The following CCDC27 variants were observed in gnomAD, a reference collection of about 807,000 sequenced individuals.
CCDC27 encodes the protein coiled-coil domain-containing protein 27.
Under a neutral mutation model 80.3 loss-of-function variants are expected in CCDC27, and 80 were observed. The observed-to-expected ratio is 1.00, with a 90% CI of 0.83 to 1.20. The LOEUF (loss-of-function observed/expected upper bound fraction) is 1.20, where lower values mean the gene tolerates loss of function less well. Among genes scored for constraint, CCDC27 ranks in the 50% most tolerant of loss-of-function variants. The pLI is 0.00. For missense variants in CCDC27, 815 were observed against 809.4 expected (o/e 1.01, Z -0.08); for synonymous variants, 342 against 334.3 (o/e 1.02, Z -0.25).
chr1:3,756,451 C>A (rs112661160), intron 3 of CCDC27: 9 of 301,622 alleles, frequency 3.0e-5, no homozygotes, highest in African/African-American at 1.3e-4. Context: ...ACTCCCAGCT[C>A]CGGCTCGTTT....
Position 3,754,098 on chromosome 1 carries a change from T to G in CCDC27, c.319-20T>G, listed in dbSNP as rs573054510. 9.9e-6 allele frequency: 16 copies of G among 1,611,240 alleles called. No individual in the cohort carries two copies. The highest frequency in any genetic ancestry group is 1.3e-5 in the African/African-American group (1 of 74,874). On this transcript the variant is annotated intron_variant, in intron 1 of 11. Transcript: ENST00000294600. ...AGTCAGGGGCCTTCCTTGTCTGTCT[T>G]ACTTTCCCCGCTCTGCCAGAGTGAA...
rs769393871 is a variant in CCDC27, at chr1:3,752,636, C to T, written c.155C>T (p.Pro52Leu). The part of the protein sequence containing the change: ...PRLMLPKEAS[P>L]SQRHSSMSSS... The stretch of plus-strand genomic sequence containing the variant: ...CTCATGTTACCTAAGGAGGCCAGCC[C>T]ATCTCAGAGGCACAGTTCGATGTCC... The change falls in exon 1 of 12, where the codon CCA becomes CTA. Residue 52 changes from proline to leucine, a missense_variant. Coordinates refer to ENST00000294600, the MANE Select transcript of CCDC27 (RefSeq NM_152492.3). The T allele has an allele frequency of 2.5e-5, 41 of 1,614,012 alleles. No individual in the cohort carries two copies. In the African/African-American group the frequency reaches 4.3e-4, roughly 17 times the overall value.
In CCDC27 at chr1:3,763,384, C is replaced by G. The variant is rs1267426050; in HGVS notation, c.1231C>G (p.Leu411Val). The G allele has an allele frequency of 1.9e-6, 3 of 1,613,026 alleles. No homozygotes were observed. Among genetic ancestry groups the G allele is most frequent in the Non-Finnish European group, 2.5e-6 (3 of 1,179,994 alleles). ...CCTGGCCGAGTCGTTTGAGGAGGAGCTGCTGGCCCAGCTGGAGGAGTACGA... is the reference window on the plus strand; with the variant it reads ...CCTGGCCGAGTCGTTTGAGGAGGAGGTGCTGGCCCAGCTGGAGGAGTACGA... ...SSLAESFEEE[L>V]LAQLEEYEQV... The change falls in exon 7 of 12, where the codon CTG becomes GTG. Residue 411 changes from leucine to valine, a missense_variant. Coordinates refer to ENST00000294600, the MANE Select transcript of CCDC27 (RefSeq NM_152492.3). This position sits in a 1 kb window ranked among gnomAD's most constrained non-coding sequence, Gnocchi z 7.5.
intron 3 of CCDC27, chr1:3,755,776 G>A (rs906561904): frequency 3.4e-5 from 19 of 560,090 alleles, no homozygotes; most frequent in South Asian, 1.3e-4. Flanking sequence ...CCCCAGGACC[G>A]TGGCCCCTTG....
At position 3,760,334 on chromosome 1, in the gene CCDC27, C is replaced by T. The variant is rs1643056811; in HGVS notation, c.712-947C>T. 6.6e-6 allele frequency among the ~76,000 whole-genome samples: 1 copy of T among 152,018 alleles called. No homozygotes were observed. Among genetic ancestry groups the T allele is most frequent in the Non-Finnish European group, 1.5e-5 (1 of 68,012 alleles). On this transcript the variant is annotated intron_variant, in intron 4 of 11. Coordinates refer to ENST00000294600, the MANE Select transcript of CCDC27 (RefSeq NM_152492.3). This position sits in a 1 kb window ranked among gnomAD's most constrained non-coding sequence, Gnocchi z 4.3. ...GCTTTATCCTTCTCTCCTCTCTCTC[C>T]CCCTTGCTCCTCTCTCCCTCTCTCC... is the stretch of plus-strand genomic sequence containing the variant.
In CCDC27 at chr1:3,763,439, T is replaced by A. The variant is rs775211558; in HGVS notation, c.1286T>A (p.Leu429Gln). The A allele has an allele frequency of 2.5e-6, 4 of 1,610,316 alleles. No individual in the cohort carries two copies. In the East Asian group the frequency reaches 8.9e-5, roughly 36 times the overall value. The change falls in exon 7 of 12, where the codon CTG (leucine) becomes CAG (glutamine). Residue 429 changes from leucine to glutamine, a missense_variant. Physicochemically the swap from Leu to Gln is moderately radical, Grantham distance 113. Coordinates refer to ENST00000294600, the MANE Select transcript of CCDC27 (RefSeq NM_152492.3). The surrounding 1 kb of genome is among the most constrained non-coding windows in gnomAD (Gnocchi z 7.5). The part of the protein sequence containing the change: ...EQVILDFQFN[L>Q]EATRTRYSLA... ...GTCATCCTGGACTTCCAGTTCAACCTGGAGGCCACCAGGACCAGATACTCC... is the reference window on the plus strand; with the variant it reads ...GTCATCCTGGACTTCCAGTTCAACCAGGAGGCCACCAGGACCAGATACTCC...
At chr1:3,765,093 C>T (rs915165712) in intron 8 of CCDC27, among the ~76,000 whole-genome samples, 2 of 151,162 alleles carry the variant, frequency 1.3e-5, no homozygotes, top group African/African-American at 2.4e-5. Flanking sequence ...GATATGTTGG[C>T]AAATGTCCTT....
chr1:3,762,434 GC>G (rs1643110810), intron 5 of CCDC27, among the ~76,000 whole-genome samples, 185 bp from the exon 6 acceptor site: 1 of 152,072 alleles, frequency 6.6e-6, no homozygotes, highest in Admixed American at 6.5e-5. Context: ...CCCCAGAACT[GC>G]CCATCCGCAG....
At chr1:3,764,686 T>C (rs1643186214) in intron 8 of CCDC27, among the ~76,000 whole-genome samples, 1 of 152,232 alleles carries the variant, frequency 6.6e-6, no homozygotes, top group Non-Finnish European at 1.5e-5. Flanking sequence ...ACCTTTTGCT[T>C]TCTTGCCCTC....
Position 3,766,763 on chromosome 1 carries a change from A to C in CCDC27, c.1530+151A>C. The C allele has an allele frequency of 5.5e-6, 3 of 544,450 alleles. No homozygotes were observed. The highest frequency in any genetic ancestry group is 9.7e-6 in the Non-Finnish European group (3 of 308,970). The allele number at this position is 544,450 out of a possible 1,614,324, so 33.7% of individuals were successfully genotyped here. A position where few individuals can be genotyped will look rare whatever the true frequency, so the allele number is the denominator to read the frequency against. On this transcript the variant is annotated intron_variant, in intron 9 of 11. Coordinates refer to ENST00000294600, the MANE Select transcript of CCDC27 (RefSeq NM_152492.3). This position sits in a 1 kb window ranked among gnomAD's most constrained non-coding sequence, Gnocchi z 6.1. ...GCCACTCGACAGATCTCTGCACCCCACGTCCACACAGAAGGCTCCTCGCAA... is the reference window on the plus strand; with the variant it reads ...GCCACTCGACAGATCTCTGCACCCCCCGTCCACACAGAAGGCTCCTCGCAA...
At position 3,769,493 on chromosome 1, in the gene CCDC27, A is replaced by ATG. The variant is rs912344883; in HGVS notation, c.1744-282_1744-281dup. On this transcript the variant is annotated intron_variant, in intron 10 of 11. Transcript: ENST00000294600. The surrounding 1 kb of genome is among the most constrained non-coding windows in gnomAD (Gnocchi z 4.6). ...TTTGTTGGTTTAAAAATATATATAT[A>ATG]TGTGTGTGTAGGTTTTACTTTCCAA... Among the ~76,000 whole-genome samples, 10 of 152,012 alleles carry ATG rather than the reference A, an allele frequency of 6.6e-5. No individual in the cohort carries two copies. Among genetic ancestry groups the ATG allele is most frequent in the African/African-American group, 2.4e-4 (10 of 41,374 alleles).
At chr1:3,767,127 C>T in intron 9 of CCDC27, 106 bp from the exon 10 acceptor site, 1 of 1,030,934 alleles carries the variant, frequency 9.7e-7, no homozygotes, top group Non-Finnish European at 1.5e-6. Context: ...GCGTGAGCCA[C>T]TGCACCTGGC....
intron 8 of CCDC27, among the ~76,000 whole-genome samples, chr1:3,764,447 C>G (rs1405263744): frequency 2.0e-5 from 3 of 152,004 alleles, no homozygotes; most frequent in African/African-American, 7.3e-5. Context: ...TGTTCTCCAT[C>G]TTAACATTAT....
rs1328122887 is a variant in CCDC27, at chr1:3,754,854, G to T, written c.443-603G>T. Among the ~76,000 whole-genome samples the T allele has an allele frequency of 6.1e-5, 7 of 114,028 alleles. No individual in the cohort carries two copies. In the South Asian group the frequency reaches 1.7e-3, roughly 27 times the overall value. 74.8% of individuals were successfully genotyped at this position (114,028 alleles called of 152,430 possible). A position where few individuals can be genotyped will look rare whatever the true frequency, so the allele number is the denominator to read the frequency against. ...CCAGTAGCAAGGGTGGGGTGGGGGG[G>T]TTGGGGAGGGGGTCCCGTGCTGTCC... On this transcript the variant is annotated intron_variant, in intron 2 of 11. Coordinates refer to ENST00000294600, the MANE Select transcript of CCDC27 (RefSeq NM_152492.3).
intron 4 of CCDC27, among the ~76,000 whole-genome samples, chr1:3,757,742 G>A (rs140255365): frequency 0.21 from 32,200 of 151,836 alleles, 3,711 homozygotes; most frequent in Admixed American, 0.26. Flanking sequence ...GCTAACACGC[G>A]AAACCCCGTC....
chr1:3,763,288 G>T lies in CCDC27; in HGVS notation c.1135G>T (p.Asp379Tyr), dbSNP rs767547784. ...GSEEEEEEEG[D>Y]RDEDSEEREL... ...CGAGGAGGAGGAAGAGGAGGAAGGG[G>T]ACAGGGATGAGGACTCAGAGGAAAG... The change falls in exon 7 of 12, where the codon GAC becomes TAC. Residue 379 changes from aspartate to tyrosine, a missense_variant. By Grantham distance (160) the Asp-to-Tyr change is radical (BLOSUM62 -3). Coordinates refer to ENST00000294600, the MANE Select transcript of CCDC27 (RefSeq NM_152492.3). This position sits in a 1 kb window ranked among gnomAD's most constrained non-coding sequence, Gnocchi z 7.5. 1 of 1,598,846 alleles carries T rather than the reference G, an allele frequency of 6.3e-7. No individual in the cohort carries two copies. The highest frequency in any genetic ancestry group is 8.5e-7 in the Non-Finnish European group (1 of 1,172,254).
Position 3,766,625 on chromosome 1 carries a change from G to A in CCDC27, c.1530+13G>A. 1 of 1,607,174 alleles carries A rather than the reference G, an allele frequency of 6.2e-7. No individual in the cohort carries two copies. The highest frequency in any genetic ancestry group is 1.1e-5 in the South Asian group (1 of 90,788). On this transcript the variant is annotated intron_variant, in intron 9 of 11. Transcript: ENST00000294600. This position sits in a 1 kb window ranked among gnomAD's most constrained non-coding sequence, Gnocchi z 6.1. ...GCTCCTCCGACAGGTGACAGCCTGG[G>A]TGTCGTTAAATGATCAGCCAGGCCA...
chr1:3,763,300 G>T lies in CCDC27; in HGVS notation c.1147G>T (p.Asp383Tyr). The T allele has an allele frequency of 6.2e-7, 1 of 1,605,538 alleles. No individual in the cohort carries two copies. The highest frequency in any genetic ancestry group is 2.2e-5 in the East Asian group (1 of 44,634). ...AGAGGAGGAAGGGGACAGGGATGAG[G>T]ACTCAGAGGAAAGGGAGCTGCCGGA... ...EEEEEGDRDEDSEERELPEEE... is the reference protein window; with the variant it reads ...EEEEEGDRDEYSEERELPEEE... The change falls in exon 7 of 12, where the codon GAC (aspartate) becomes TAC (tyrosine). Residue 383 changes from aspartate to tyrosine, a missense_variant. Physicochemically the swap from Asp to Tyr is radical, Grantham distance 160. Coordinates refer to ENST00000294600, the MANE Select transcript of CCDC27 (RefSeq NM_152492.3). This position sits in a 1 kb window ranked among gnomAD's most constrained non-coding sequence, Gnocchi z 7.5.
Position 3,761,679 on chromosome 1 carries a change from G to A in CCDC27, c.861+249G>A, listed in dbSNP as rs200383039. Reference sequence around the variant, plus strand: ...AGGGGGGGGAGAGATGAATGGAGGCGCAAAATGACAAATGAGAGCCGTGAG... The same window carrying A: ...AGGGGGGGGAGAGATGAATGGAGGCACAAAATGACAAATGAGAGCCGTGAG... On this transcript the variant is annotated intron_variant, in intron 5 of 11. Coordinates refer to ENST00000294600, the MANE Select transcript of CCDC27 (RefSeq NM_152492.3). This position sits in a 1 kb window ranked among gnomAD's most constrained non-coding sequence, Gnocchi z 5.0. Among the ~76,000 whole-genome samples, 54 of 152,190 alleles carry A rather than the reference G, an allele frequency of 3.5e-4. No individual in the cohort carries two copies. In the East Asian group the frequency reaches 9.5e-3, roughly 27 times the overall value.
Sources: gnomAD v4.1 joint callset for allele counts (sites outside exome capture counted in the v4.1 genomes callset) on GRCh38, gnomAD v4.1.1 for gene constraint, Gnocchi (gnomAD v3.1) non-coding constraint, MANE v1.5 for transcripts, NCBI Gene and HGNC (gene_info 2026-07-23, HGNC 2026-07-21) for gene names.